The following MTX2 variants were observed in gnomAD, a reference collection of about 807,000 sequenced individuals.
MTX2 encodes metaxin 2.
In MTX2, 35 loss-of-function variants were observed where a neutral mutation model predicts 42.3. That is an observed-to-expected ratio of 0.83 (90% CI 0.63 to 1.10). The LOEUF is 1.10. Among genes scored for constraint, MTX2 ranks in the 50% least tolerant of loss-of-function variants. The probability of loss-of-function intolerance (pLI) is 0.00; values close to 1 mark genes in which losing one functional copy is unlikely to be tolerated. For synonymous variants in MTX2, 119 were observed against 100.9 expected (o/e 1.18, Z -1.08); for missense variants, 307 against 304.1 (o/e 1.01, Z -0.07).
At chr2:176,325,314 T>A (rs1230412037) in intron 4 of MTX2, among the ~76,000 whole-genome samples, 3 of 151,804 alleles carry the variant, frequency 2.0e-5, no homozygotes, top group Non-Finnish European at 4.4e-5. Context: ...ACTGTCTTAC[T>A]GTGTTTTTGC....
chr2:176,273,845 C>G (rs1357049694), intron 1 of MTX2, among the ~76,000 whole-genome samples: 1 of 151,978 alleles, frequency 6.6e-6, no homozygotes, highest in Non-Finnish European at 1.5e-5. Context: ...TGGCTTCCTT[C>G]CAGTAGAGTC....
intron 1 of MTX2, chr2:176,270,290 C>T (rs1349227829): frequency 6.4e-6 from 8 of 1,243,610 alleles, no homozygotes; most frequent in African/African-American, 1.6e-5. Flanking sequence ...CCTGCCTTAG[C>T]CTCCCGAGTA....
chr2:176,288,549 A>C (rs1326714369), intron 1 of MTX2, among the ~76,000 whole-genome samples: 3 of 150,646 alleles, frequency 2.0e-5, no homozygotes, highest in Admixed American at 1.3e-4. Flanking sequence ...CTTTTATATA[A>C]CACTGTCTAA....
At chr2:176,293,587 C>G (rs1030909382) in intron 1 of MTX2, among the ~76,000 whole-genome samples, 1 of 152,044 alleles carries the variant, frequency 6.6e-6, no homozygotes, top group African/African-American at 2.4e-5. Flanking sequence ...GCATCTCCCC[C>G]CCTTCTCTTG....
At position 176,326,838 on chromosome 2, in the gene MTX2, T is replaced by G. The variant is rs750770973; in HGVS notation, c.222T>G (p.Phe74Leu). 6.4e-7 allele frequency: 1 copy of G among 1,571,490 alleles called. No homozygotes were observed. Among genetic ancestry groups the G allele is most frequent in the Non-Finnish European group, 8.7e-7 (1 of 1,155,392 alleles). ...EYMSPSGKVPFIHVGNQVVSE... is the reference protein window; with the variant it reads ...EYMSPSGKVPLIHVGNQVVSE... ...TTCTCTCAACAGGTAAAGTACCTTT[T>G]ATTCATGTGGGAAATCAAGTAGTAT... Residue 74 changes from phenylalanine to leucine, a missense_variant, in exon 5 of 10, where the codon TTT becomes TTG. Phe to Leu is a conservative substitution (Grantham distance 22). Transcript: ENST00000249442.
chr2:176,300,191 C>G (rs145879118), intron 3 of MTX2, among the ~76,000 whole-genome samples: 1 of 152,052 alleles, frequency 6.6e-6, no homozygotes, highest in African/African-American at 2.4e-5. Context: ...CTTTGAAGGA[C>G]TTAAGCTTAT....
At chr2:176,308,437 C>A (rs1308963308) in intron 3 of MTX2, among the ~76,000 whole-genome samples, 1 of 150,408 alleles carries the variant, frequency 6.6e-6, no homozygotes, top group African/African-American at 2.4e-5. Flanking sequence ...TGGGAGGATT[C>A]CCTGTTTGGA....
intron 1 of MTX2, among the ~76,000 whole-genome samples, chr2:176,291,108 G>A (rs1693319014): frequency 6.6e-6 from 1 of 152,074 alleles, no homozygotes; most frequent in Non-Finnish European, 1.5e-5. Context: ...TAATTGCTGA[G>A]CCGATATATC....
intron 1 of MTX2, among the ~76,000 whole-genome samples, chr2:176,278,648 C>T (rs1017531426): frequency 3.9e-5 from 6 of 152,170 alleles, no homozygotes; most frequent in South Asian, 4.1e-4. Context: ...TGAAAGAAAA[C>T]GCCACCAAAC....
In MTX2 at chr2:176,269,444, C is replaced by T. The variant is rs2305161; in HGVS notation, c.-186C>T. 0.24 allele frequency: 149,063 copies of T among 611,374 alleles called. 18,883 individuals are homozygous for T. The highest frequency in any genetic ancestry group is 0.32 in the South Asian group (12,469 of 39,426). The allele number at this position is 611,374 out of a possible 1,614,324, so 37.9% of individuals were successfully genotyped here. On this transcript the variant is annotated 5_prime_UTR_variant, in exon 1 of 10. Transcript: ENST00000249442. ...TGCCGTTGTCGGCTGCGCCGGAAGTCCCTAGCCAGGCCTGGCGGTAACCTT... is the reference window on the plus strand; with the variant it reads ...TGCCGTTGTCGGCTGCGCCGGAAGTTCCTAGCCAGGCCTGGCGGTAACCTT...
chr2:176,270,990 C>G (rs987996253), intron 1 of MTX2, among the ~76,000 whole-genome samples: 3 of 152,018 alleles, frequency 2.0e-5, no homozygotes, highest in Admixed American at 1.3e-4. Flanking sequence ...AAAAAAACTT[C>G]ACAGTGTATG....
At chr2:176,300,010 C>T (rs538784831) in intron 3 of MTX2, among the ~76,000 whole-genome samples, 2 of 151,958 alleles carry the variant, frequency 1.3e-5, no homozygotes, top group East Asian at 3.9e-4. Context: ...GTAGCTATTT[C>T]CCCTTAGATT....
intron 3 of MTX2, chr2:176,304,382 T>A (rs1258919196): frequency 2.6e-5 from 4 of 153,278 alleles, no homozygotes; most frequent in African/African-American, 9.6e-5. Context: ...AGGAATTTGT[T>A]ATTTTGTTTA....
chr2:176,334,313 A>G (rs1374498534), intron 9 of MTX2, among the ~76,000 whole-genome samples: 7 of 151,922 alleles, frequency 4.6e-5, no homozygotes, highest in Admixed American at 2.0e-4. Context: ...TACAAGAAGT[A>G]TAGGGTAGCT....
chr2:176,290,733 C>T (rs984897806), intron 1 of MTX2, among the ~76,000 whole-genome samples: 4 of 150,666 alleles, frequency 2.7e-5, no homozygotes, highest in Admixed American at 2.0e-4. Context: ...TTTGGGCACT[C>T]CTAGGGAATA....
At chr2:176,288,754 AT>A (rs1455196116) in intron 1 of MTX2, among the ~76,000 whole-genome samples, 1 of 151,904 alleles carries the variant, frequency 6.6e-6, no homozygotes, top group African/African-American at 2.4e-5. Flanking sequence ...TATTCTGGAA[AT>A]TATGTCTTCA....
At position 176,326,886 on chromosome 2, in the gene MTX2, AT is replaced by A. The variant is rs1295792269; in HGVS notation, c.273del (p.Phe91LeufsTer21). 1 of 1,558,526 alleles carries A rather than the reference AT, an allele frequency of 6.4e-7. No homozygotes were observed. Among genetic ancestry groups the A allele is most frequent in the Non-Finnish European group, 8.8e-7 (1 of 1,142,528 alleles). Reference protein sequence around the residue: ...VVSELGPIVQFVKAKGHSLSD... With the variant: ...VVSELGPIVQXVKAKGHSLSD... ...TATCAGAACTTGGTCCAATAGTCCA[AT>A]TTGTTAAAGCCAAGGTAATAAAAAG... On this transcript the variant is annotated frameshift_variant, in exon 5 of 10. Transcript: ENST00000249442. LOFTEE classifies it high-confidence loss of function.
At chr2:176,315,634 A>G (rs1684417652) in intron 3 of MTX2, among the ~76,000 whole-genome samples, 1 of 152,222 alleles carries the variant, frequency 6.6e-6, no homozygotes. Flanking sequence ...TGTCTCACTC[A>G]GTAGAAGCCA....
intron 1 of MTX2, among the ~76,000 whole-genome samples, chr2:176,290,069 G>T (rs967675916): frequency 6.6e-6 from 1 of 152,132 alleles, no homozygotes; most frequent in Non-Finnish European, 1.5e-5. Flanking sequence ...AGATAAAGGA[G>T]AAATTAGATT....
Sources: allele counts gnomAD v4.1 joint callset (sites outside exome capture counted in the v4.1 genomes callset), GRCh38; gene constraint gnomAD v4.1.1; transcripts MANE v1.5; gene names NCBI Gene and HGNC (gene_info 2026-07-23, HGNC 2026-07-21).